CCDC175: variants seen among roughly 807,000 people sequenced by gnomAD.
CCDC175 encodes the protein coiled-coil domain-containing protein 175.
Under a neutral mutation model 114.6 loss-of-function variants are expected in CCDC175, and 100 were observed. The observed-to-expected ratio is 0.87, with a 90% CI of 0.74 to 1.03. The LOEUF is 1.03. CCDC175 is among the 50% of genes least tolerant of loss of function. The probability of loss-of-function intolerance (pLI) is 0.00; values close to 1 mark genes in which losing one functional copy is unlikely to be tolerated. For missense variants in CCDC175, 880 were observed against 917.8 expected, an observed-to-expected ratio of 0.96 and a Z score of 0.53; for synonymous variants, 306 against 308.7, an observed-to-expected ratio of 0.99 and a Z score of 0.09.
intron 2 of CCDC175, 46 bp from the exon 3 acceptor site, chr14:59,572,859 G>A: frequency 8.5e-7 from 1 of 1,179,734 alleles, no homozygotes; most frequent in Non-Finnish European, 1.2e-6. Flanking sequence ...CACTAAAATA[G>A]TAAGATTGAT....
intron 17 of CCDC175, among the ~76,000 whole-genome samples, chr14:59,519,537 A>G (rs1893304811): frequency 1.3e-5 from 2 of 152,238 alleles, no homozygotes; most frequent in African/African-American, 4.8e-5. Context: ...TGAAAAGTCA[A>G]GCTTCAGACA....
chr14:59,553,868 A>C (rs936764572), intron 7 of CCDC175, among the ~76,000 whole-genome samples: 1 of 152,248 alleles, frequency 6.6e-6, no homozygotes, highest in Non-Finnish European at 1.5e-5. Context: ...GAGACAAAGA[A>C]GGCCATTACA....
intron 17 of CCDC175, 67 bp downstream of exon 17, chr14:59,521,507 C>T (rs1028218472): frequency 1.2e-6 from 1 of 840,936 alleles, no homozygotes; most frequent in Non-Finnish European, 1.9e-6. Context: ...TTCATATATA[C>T]ATATATCCTA....
Position 59,540,805 on chromosome 14 carries a change from A to T in CCDC175, c.1284-59T>A, listed in dbSNP as rs1894739672. ...TGGGAGCTGTTAGAATATACAATAG[A>T]CTCTATACGCATAATTTGTATGCTC... On this transcript the variant is annotated intron_variant, in intron 10 of 19. Coordinates refer to ENST00000537690, the MANE Select transcript of CCDC175 (RefSeq NM_001164399.2). 2.3e-6 allele frequency: 3 copies of T among 1,326,730 alleles called. No individual in the cohort carries two copies. In the African/African-American group the frequency reaches 4.5e-5, roughly 20 times the overall value. 82.2% of individuals were successfully genotyped at this position (1,326,730 alleles called of 1,614,324 possible). A position where few individuals can be genotyped will look rare whatever the true frequency, so the allele number is the denominator to read the frequency against.
intron 10 of CCDC175, among the ~76,000 whole-genome samples, chr14:59,542,136 C>T (rs1894827514): frequency 6.6e-6 from 1 of 152,102 alleles, no homozygotes; most frequent in South Asian, 2.1e-4. Context: ...TATCATTCTC[C>T]CATACAATGA....
intron 5 of CCDC175, 81 bp downstream of exon 5, chr14:59,564,966 G>A (rs1436129359): frequency 1.4e-5 from 15 of 1,110,452 alleles, no homozygotes; most frequent in Non-Finnish European, 1.8e-5. Context: ...TGCCAGCCTT[G>A]AGGACAAATA....
chr14:59,527,699 A>G (rs1595004243), intron 14 of CCDC175, among the ~76,000 whole-genome samples: 1 of 139,914 alleles, frequency 7.1e-6, no homozygotes, highest in African/African-American at 2.5e-5. Context: ...TCATGTACAT[A>G]TAATTAATTC....
chr14:59,571,333 G>C (rs1321759144), intron 3 of CCDC175, among the ~76,000 whole-genome samples: 1 of 152,102 alleles, frequency 6.6e-6, no homozygotes, highest in Non-Finnish European at 1.5e-5. Context: ...GGCAACCCAT[G>C]GAATGGGAAA....
chr14:59,556,407 T>C (rs1396289855), intron 7 of CCDC175, among the ~76,000 whole-genome samples: 1 of 152,204 alleles, frequency 6.6e-6, no homozygotes, highest in African/African-American at 2.4e-5. Flanking sequence ...TGGCTAGCCT[T>C]ATGTAGAAAG....
At chr14:59,517,847 G>T (rs1315355009) in intron 17 of CCDC175, among the ~76,000 whole-genome samples, 1 of 152,082 alleles carries the variant, frequency 6.6e-6, no homozygotes, top group Non-Finnish European at 1.5e-5. Context: ...AACCAAAAAA[G>T]AGCCCGCATC....
chr14:59,516,738 G>C (rs1234213600), intron 17 of CCDC175, among the ~76,000 whole-genome samples: 1 of 152,144 alleles, frequency 6.6e-6, no homozygotes, highest in African/African-American at 2.4e-5. Flanking sequence ...TCTACCAGAG[G>C]TACAAGGAGG....
At chr14:59,568,193 A>G (rs929404454) in intron 4 of CCDC175, 52 bp downstream of exon 4, 1 of 1,473,666 alleles carries the variant, frequency 6.8e-7, no homozygotes, top group Non-Finnish European at 8.9e-7. Context: ...CAATTTTCCC[A>G]CTCCAGCCTC....
intron 19 of CCDC175, chr14:59,505,544 A>AAAAGT: frequency 3.3e-6 from 1 of 306,140 alleles, no homozygotes; most frequent in Admixed American, 4.8e-5. Flanking sequence ...GTTCTAGCAG[A>AAAAGT]AAAGTATATA....
At position 59,521,663 on chromosome 14, in the gene CCDC175, A is replaced by T; in HGVS notation, c.2009T>A (p.Leu670Ter). The T allele has an allele frequency of 6.6e-7, 1 of 1,515,654 alleles. No homozygotes were observed. Among genetic ancestry groups the T allele is most frequent in the Non-Finnish European group, 8.9e-7 (1 of 1,127,422 alleles). The allele number at this position is 1,515,654 out of a possible 1,614,324, so 93.9% of individuals were successfully genotyped here. A position where few individuals can be genotyped will look rare whatever the true frequency, so the allele number is the denominator to read the frequency against. ...TCTGTATTTCTCTATGTTATTCTTC[A>T]AGTATAAAATATACTGAAAATTAAA... ...NKKLKEYILY[L>*]KNNIEKYREG... The change falls in exon 17 of 20, where the codon TTG (leucine) becomes TAG (stop). Residue 670 changes from leucine to a stop codon, truncating the protein, a stop_gained. Transcript: ENST00000537690. LOFTEE classifies it high-confidence loss of function.
chr14:59,535,880 T>C (rs917216183), intron 13 of CCDC175, among the ~76,000 whole-genome samples: 2 of 151,672 alleles, frequency 1.3e-5, no homozygotes, highest in East Asian at 1.9e-4. Context: ...CAGGGTCAGC[T>C]CAGCTATCTA....
Position 59,515,026 on chromosome 14 carries a change from A to G in CCDC175, c.2099-3223T>C, listed in dbSNP as rs370931511. Among the ~76,000 whole-genome samples, 22 of 152,300 alleles carry G rather than the reference A, an allele frequency of 1.4e-4. 2 individuals are homozygous for G. The highest frequency in any genetic ancestry group is 8.5e-4 in the Admixed American group (13 of 15,296). ...GGGCCAATATTCAACATTCTTAAAG[A>G]AAAGAATTTTCAACCCAGAATTTAA... is the stretch of plus-strand genomic sequence containing the variant. On this transcript the variant is annotated intron_variant, in intron 17 of 19. Coordinates refer to ENST00000537690, the MANE Select transcript of CCDC175 (RefSeq NM_001164399.2).
At chr14:59,551,106 C>T (rs1345742740) in intron 8 of CCDC175, 1 of 299,968 alleles carries the variant, frequency 3.3e-6, no homozygotes, top group Admixed American at 5.2e-5. Flanking sequence ...CATGGATAGT[C>T]CTAAGGTACC....
intron 13 of CCDC175, among the ~76,000 whole-genome samples, chr14:59,534,235 G>A (rs1210411915): frequency 6.6e-6 from 1 of 152,016 alleles, no homozygotes; most frequent in Non-Finnish European, 1.5e-5. Flanking sequence ...GTTGGAGTGG[G>A]GCAGCCAGTC....
intron 15 of CCDC175, among the ~76,000 whole-genome samples, chr14:59,526,519 G>A (rs545149623): frequency 6.0e-4 from 90 of 150,218 alleles, no homozygotes; most frequent in African/African-American, 2.2e-3. Context: ...TTGTGCCACT[G>A]CACTCGAGCC....
Sources: allele counts gnomAD v4.1 joint callset (sites outside exome capture counted in the v4.1 genomes callset), GRCh38; gene constraint gnomAD v4.1.1; transcripts MANE v1.5; gene names NCBI Gene and HGNC (gene_info 2026-07-23, HGNC 2026-07-21).